CRPPA: variants seen among roughly 807,000 people sequenced by gnomAD.
CRPPA encodes the protein D-ribitol-5-phosphate cytidylyltransferase.
Under a neutral mutation model 52.0 loss-of-function variants are expected in CRPPA, and 43 were observed. The ratio of observed to expected loss-of-function variants is 0.83; its 90% CI spans 0.65 to 1.07. The LOEUF is 1.07. Ranked by LOEUF, CRPPA falls within the 50% of genes least tolerant of loss-of-function variation. CRPPA has a pLI of 0.00. For missense variants in CRPPA, 629 were observed against 551.7 expected (o/e 1.14, Z -1.40); for synonymous variants, 250 against 203.5 (o/e 1.23, Z -1.94).
chr7:16,283,163 T>C (rs1784352630), intron 5 of CRPPA, among the ~76,000 whole-genome samples: 1 of 151,654 alleles, frequency 6.6e-6, no homozygotes, highest in African/African-American at 2.4e-5. Context: ...GTCTATCATA[T>C]ATAGAACCTT....
intron 8 of CRPPA, 124 bp from the exon 9 acceptor site, chr7:16,216,321 G>A: frequency 1.7e-6 from 1 of 599,846 alleles, no homozygotes; most frequent in South Asian, 2.6e-5. Context: ...ATTAACTTTT[G>A]TTAATCTCTA....
chr7:16,401,344 T>G (rs1230901452), intron 2 of CRPPA, among the ~76,000 whole-genome samples: 2 of 152,176 alleles, frequency 1.3e-5, no homozygotes, highest in Non-Finnish European at 2.9e-5. Context: ...ATATGGGAAT[T>G]AGGTAGTCAC....
intron 8 of CRPPA, among the ~76,000 whole-genome samples, chr7:16,251,855 G>T (rs1315495515): frequency 1.3e-5 from 2 of 152,116 alleles, no homozygotes; most frequent in African/African-American, 4.8e-5. Flanking sequence ...AAATCTACCA[G>T]AAGACAAGAA....
At chr7:16,295,000 T>C (rs1784642818) in intron 5 of CRPPA, among the ~76,000 whole-genome samples, 1 of 152,104 alleles carries the variant, frequency 6.6e-6, no homozygotes, top group South Asian at 2.1e-4. Context: ...TTTCTGCATA[T>C]GCATAAAACA....
intron 9 of CRPPA, among the ~76,000 whole-genome samples, chr7:16,111,941 A>G (rs938512572): frequency 1.3e-5 from 2 of 152,330 alleles, no homozygotes; most frequent in African/African-American, 4.8e-5. Context: ...TAAGTACTTG[A>G]AGAGATGTAT....
chr7:16,254,127 T>C (rs1783543151), intron 8 of CRPPA, among the ~76,000 whole-genome samples: 1 of 152,176 alleles, frequency 6.6e-6, no homozygotes, highest in Admixed American at 6.5e-5. Flanking sequence ...GGAACACTTT[T>C]ACACTGTTGG....
At chr7:16,382,388 C>T (rs1204978937) in intron 2 of CRPPA, among the ~76,000 whole-genome samples, 6 of 152,272 alleles carry the variant, frequency 3.9e-5, no homozygotes, top group Middle Eastern at 3.4e-3. Flanking sequence ...CTTCCCTTTG[C>T]GGGTAACCCA....
At chr7:16,314,959 C>G (rs1473228773) in intron 3 of CRPPA, among the ~76,000 whole-genome samples, 1 of 152,070 alleles carries the variant, frequency 6.6e-6, no homozygotes, top group Non-Finnish European at 1.5e-5. Flanking sequence ...ATTGTTACTT[C>G]AAATACTGCT....
At chr7:16,245,048 A>T (rs758684216) in intron 8 of CRPPA, among the ~76,000 whole-genome samples, 2 of 110,130 alleles carry the variant, frequency 1.8e-5, no homozygotes, top group Non-Finnish European at 2.1e-5. Context: ...TCTTACATTT[A>T]AAAAAAAAAA....
rs185885578 is a variant in CRPPA at position 16,385,639 on chromosome 7, T to C, written c.535-9398A>G. ...CAACAAATGTTCAGCCTGAAGGACA[T>C]TTGAAGACAGTAATTCTAATTCACA... is the stretch of plus-strand genomic sequence containing the variant. On this transcript the variant is annotated intron_variant, in intron 2 of 9. Transcript: ENST00000407010. Among the ~76,000 whole-genome samples the C allele has an allele frequency of 6.3e-3, 954 of 152,328 alleles. 6 individuals carry two copies. The highest frequency in any genetic ancestry group is 0.01 in the Non-Finnish European group (694 of 68,026).
chr7:16,274,322 C>T (rs998860326), intron 6 of CRPPA, among the ~76,000 whole-genome samples: 8 of 152,114 alleles, frequency 5.3e-5, no homozygotes, highest in Non-Finnish European at 1.0e-4. Context: ...GCTGGGATTA[C>T]GGACGTGAGC....
intron 3 of CRPPA, among the ~76,000 whole-genome samples, chr7:16,345,481 AC>A (rs1583536191): frequency 6.6e-6 from 1 of 152,278 alleles, no homozygotes; most frequent in Middle Eastern, 3.4e-3. Context: ...TTTTGGTTGA[AC>A]CCTTTTATTG....
intron 9 of CRPPA, among the ~76,000 whole-genome samples, chr7:16,113,091 C>T (rs1006577413): frequency 6.6e-6 from 1 of 151,956 alleles, no homozygotes; most frequent in African/African-American, 2.4e-5. Flanking sequence ...AGACAAGTCT[C>T]TCTCAATGAG....
intron 3 of CRPPA, among the ~76,000 whole-genome samples, chr7:16,329,518 GCA>G (rs1785500899): frequency 6.6e-6 from 1 of 152,134 alleles, no homozygotes; most frequent in Non-Finnish European, 1.5e-5. Context: ...CAAAGAGTGT[GCA>G]CACTCAAATA....
chr7:16,331,266 T>C (rs1026824491), intron 3 of CRPPA, among the ~76,000 whole-genome samples: 3 of 152,200 alleles, frequency 2.0e-5, no homozygotes, highest in African/African-American at 7.2e-5. Context: ...CCCAAAGTGC[T>C]GGGATTACAG....
At chr7:16,397,960 G>A (rs957807392) in intron 2 of CRPPA, among the ~76,000 whole-genome samples, 7 of 152,200 alleles carry the variant, frequency 4.6e-5, no homozygotes, top group Non-Finnish European at 7.4e-5. Context: ...CGTTTGACAT[G>A]TGACTTACAT....
intron 3 of CRPPA, among the ~76,000 whole-genome samples, chr7:16,362,589 T>C (rs1317181843): frequency 1.3e-5 from 2 of 152,222 alleles, no homozygotes; most frequent in Non-Finnish European, 2.9e-5. Context: ...TTTGAAAATA[T>C]GTATATTTAA....
chr7:16,336,733 T>G (rs1785693364), intron 3 of CRPPA, among the ~76,000 whole-genome samples: 1 of 151,996 alleles, frequency 6.6e-6, no homozygotes, highest in Non-Finnish European at 1.5e-5. Context: ...AACCATATGC[T>G]GCCTAAATGA....
chr7:16,189,298 A>G (rs1357609499), intron 9 of CRPPA, among the ~76,000 whole-genome samples: 1 of 152,206 alleles, frequency 6.6e-6, no homozygotes, highest in East Asian at 1.9e-4. Context: ...GAGGCATCAC[A>G]GAACTGGGTT....
Sources: gnomAD v4.1 joint callset for allele counts (sites outside exome capture counted in the v4.1 genomes callset) on GRCh38, gnomAD v4.1.1 for gene constraint, MANE v1.5 for transcripts, NCBI Gene and HGNC (gene_info 2026-07-23, HGNC 2026-07-21) for gene names.